The following IL1RAP variants were observed in gnomAD, a reference collection of about 807,000 sequenced individuals.
IL1RAP encodes interleukin 1 receptor accessory protein.
A neutral mutation model predicts 60.7 loss-of-function variants in IL1RAP; 35 were observed. That is an observed-to-expected ratio of 0.58 (90% CI 0.44 to 0.76). The LOEUF is 0.76. IL1RAP is among the 30% of genes least tolerant of loss of function. The pLI is 0.00. For missense variants in IL1RAP, 572 were observed against 693.9 expected (o/e 0.82, Z 1.97); for synonymous variants, 268 against 250.9 (o/e 1.07, Z -0.64).
chr3:190,567,625 T>C (rs1447249056), intron 3 of IL1RAP, among the ~76,000 whole-genome samples: 1 of 152,154 alleles, frequency 6.6e-6, no homozygotes, highest in African/African-American at 2.4e-5. Context: ...GAATATAAAT[T>C]ACTAAGAAAA....
At chr3:190,644,934 G>A (rs1207513856) in intron 10 of IL1RAP, among the ~76,000 whole-genome samples, 1 of 152,110 alleles carries the variant, frequency 6.6e-6, no homozygotes, top group East Asian at 1.9e-4. Context: ...CACACTCCTT[G>A]TACTCAGATA....
At chr3:190,570,281 G>A (rs1012037535) in intron 3 of IL1RAP, among the ~76,000 whole-genome samples, 5 of 152,120 alleles carry the variant, frequency 3.3e-5, no homozygotes, top group Admixed American at 2.0e-4. Flanking sequence ...TTGCCTTTGC[G>A]TGTTTTAGAG....
At chr3:190,647,888 C>T (rs1242057764) in intron 11 of IL1RAP, among the ~76,000 whole-genome samples, 1 of 152,112 alleles carries the variant, frequency 6.6e-6, no homozygotes, top group Non-Finnish European at 1.5e-5. Flanking sequence ...ATAACATATA[C>T]CTTTTTGAGT....
chr3:190,656,716 T>C (rs915604392), exon 12 of IL1RAP: 2 of 655,092 alleles, frequency 3.1e-6, no homozygotes, highest in Non-Finnish European at 4.9e-6. Context: ...CAGATTTCTG[T>C]CCCCTTTATT....
intron 1 of IL1RAP, among the ~76,000 whole-genome samples, chr3:190,529,472 G>C (rs1453534630): frequency 1.3e-5 from 2 of 151,914 alleles, no homozygotes; most frequent in Admixed American, 1.3e-4. Context: ...CAGATCACGA[G>C]GTCAAGAGAT....
intron 3 of IL1RAP, among the ~76,000 whole-genome samples, chr3:190,575,989 G>T (rs1225923654): frequency 2.6e-5 from 4 of 152,066 alleles, no homozygotes; most frequent in Non-Finnish European, 5.9e-5. Context: ...TGCAGCTGGC[G>T]GCTACCCAGG....
At chr3:190,645,941 A>G in intron 11 of IL1RAP, 99 bp downstream of exon 11, 1 of 1,003,300 alleles carries the variant, frequency 1.0e-6, no homozygotes, top group Non-Finnish European at 1.5e-6. Flanking sequence ...GCATCTTTGG[A>G]TATTTAATGT....
chr3:190,540,267 C>A (rs1461242169), intron 1 of IL1RAP, among the ~76,000 whole-genome samples: 1 of 152,068 alleles, frequency 6.6e-6, no homozygotes, highest in Admixed American at 6.6e-5. Context: ...CTCTGCCTTC[C>A]TCCCTCCTTC....
rs374839563 is a variant in IL1RAP, at chr3:190,623,098, A to G, written c.704-246A>G. Among the ~76,000 whole-genome samples the G allele has an allele frequency of 6.1e-4, 93 of 152,336 alleles. 1 individual carries two copies. The highest frequency in any genetic ancestry group is 2.0e-3 in the African/African-American group (85 of 41,590). ...TATTACCCCTGTCACACAGGAAATC[A>G]CAGGGGATTTAGGAGCCCATGTCAG... On this transcript the variant is annotated intron_variant, in intron 6 of 11. Transcript: ENST00000447382.
At chr3:190,515,092 G>C (rs1030128425) in intron 1 of IL1RAP, among the ~76,000 whole-genome samples, 1 of 152,194 alleles carries the variant, frequency 6.6e-6, no homozygotes, top group Non-Finnish European at 1.5e-5. Flanking sequence ...CTGCTGCTCT[G>C]CTGTACAGAT....
intron 1 of IL1RAP, among the ~76,000 whole-genome samples, chr3:190,545,475 G>A (rs952125917): frequency 3.9e-5 from 6 of 151,978 alleles, no homozygotes; most frequent in African/African-American, 9.7e-5. Context: ...TCCTTTTATC[G>A]GAGACAGCTA....
At chr3:190,623,145 C>G (rs1731926433) in intron 6 of IL1RAP, among the ~76,000 whole-genome samples, 199 bp from the exon 7 acceptor site, 1 of 152,162 alleles carries the variant, frequency 6.6e-6, no homozygotes, top group South Asian at 2.1e-4. Flanking sequence ...AGTCATCAAA[C>G]CTGTATTTCC....
At chr3:190,587,544 T>C (rs111579920) in intron 3 of IL1RAP, among the ~76,000 whole-genome samples, 16 of 152,324 alleles carry the variant, frequency 1.1e-4, no homozygotes, top group African/African-American at 3.8e-4. Context: ...CTCCATAGGG[T>C]ATACTACAAG....
intron 3 of IL1RAP, among the ~76,000 whole-genome samples, chr3:190,601,988 T>A (rs928575389): frequency 4.6e-5 from 7 of 152,166 alleles, no homozygotes; most frequent in Non-Finnish European, 7.3e-5. Context: ...TGCATTTTGT[T>A]TGCCAGTAGA....
chr3:190,650,028 A>G lies in IL1RAP; in HGVS notation c.*1323A>G. ...ACATATCCACACACATACATTACAT[A>G]TATCTGTGTATATAAATCCACATGC... On this transcript the variant is annotated 3_prime_UTR_variant, in exon 12 of 12. Transcript: ENST00000447382. The G allele has an allele frequency of 1.1e-5, 6 of 549,858 alleles. No individual in the cohort carries two copies. Among genetic ancestry groups the G allele is most frequent in the Middle Eastern group, 9.6e-4 (1 of 1,038 alleles). 34.1% of individuals were successfully genotyped at this position (549,858 alleles called of 1,614,324 possible). A position where few individuals can be genotyped will look rare whatever the true frequency, so the allele number is the denominator to read the frequency against.
intron 4 of IL1RAP, among the ~76,000 whole-genome samples, chr3:190,607,043 G>T (rs143625472): frequency 6.6e-6 from 1 of 152,156 alleles, no homozygotes; most frequent in East Asian, 1.9e-4. Context: ...TTTGTTATTT[G>T]TAGGTAGGGG....
chr3:190,577,955 G>A (rs1011234886), intron 3 of IL1RAP, among the ~76,000 whole-genome samples: 1 of 152,122 alleles, frequency 6.6e-6, no homozygotes, highest in African/African-American at 2.4e-5. Flanking sequence ...ATTCATTTAG[G>A]ATTATGGCCT....
intron 1 of IL1RAP, among the ~76,000 whole-genome samples, chr3:190,539,659 C>T (rs569378178): frequency 1.3e-5 from 2 of 149,608 alleles, no homozygotes; most frequent in Non-Finnish European, 3.0e-5. Flanking sequence ...AATAAAATTA[C>T]AGTGTGTATA....
intron 1 of IL1RAP, among the ~76,000 whole-genome samples, chr3:190,529,033 T>C (rs1475690278): frequency 6.6e-6 from 1 of 152,166 alleles, no homozygotes; most frequent in Non-Finnish European, 1.5e-5. Context: ...GGTTAGGAAG[T>C]CTGTTGAGGG....
Sources: allele counts gnomAD v4.1 joint callset (sites outside exome capture counted in the v4.1 genomes callset), GRCh38; gene constraint gnomAD v4.1.1; transcripts MANE v1.5; gene names NCBI Gene and HGNC (gene_info 2026-07-23, HGNC 2026-07-21).